Variants in DCDC1 observed in about 807,000 individuals in gnomAD.
DCDC1 encodes the protein doublecortin domain containing 1.
A neutral mutation model predicts 178.3 loss-of-function variants in DCDC1; 200 were observed. The ratio of observed to expected loss-of-function variants is 1.12; its 90% confidence interval spans 1.00 to 1.26. DCDC1 has a LOEUF of 1.26. DCDC1 is among the 50% of genes most tolerant of loss of function. DCDC1 has a pLI of 0.00. For synonymous variants in DCDC1, 690 were observed against 604.8 expected (o/e 1.14, Z -2.07); for missense variants, 1,983 against 1,749.2 (o/e 1.13, Z -2.38).
At chr11:31,150,047 G>A (rs918393297) in intron 9 of DCDC1, among the ~76,000 whole-genome samples, 3 of 152,178 alleles carry the variant, frequency 2.0e-5, no homozygotes, top group Non-Finnish European at 4.4e-5. Flanking sequence ...ATTCCCACCA[G>A]CAATTTAAAA....
At chr11:31,037,298 C>T (rs531459402) in intron 20 of DCDC1, among the ~76,000 whole-genome samples, 41 of 152,284 alleles carry the variant, frequency 2.7e-4, no homozygotes, top group Non-Finnish European at 5.0e-4. Context: ...TCCTGAAATT[C>T]TCCATCACTA....
chr11:31,305,879 G>C, intron 5 of DCDC1, 102 bp from the exon 6 acceptor site: 1 of 1,336,942 alleles, frequency 7.5e-7, no homozygotes. Context: ...AAACCCAATT[G>C]AGTCACTTGC....
At chr11:31,078,471 A>G (rs1956992491) in intron 17 of DCDC1, among the ~76,000 whole-genome samples, 1 of 152,218 alleles carries the variant, frequency 6.6e-6, no homozygotes, top group African/African-American at 2.4e-5. Context: ...ATTAATATTT[A>G]GAAATCTTAC....
intron 12 of DCDC1, among the ~76,000 whole-genome samples, chr11:31,108,367 C>G (rs1958988594): frequency 6.6e-6 from 1 of 152,072 alleles, no homozygotes; most frequent in African/African-American, 2.4e-5. Context: ...GGTTATTTTT[C>G]CATGGAAATG....
chr11:31,368,513 T>G (rs1952085729), intron 1 of DCDC1, among the ~76,000 whole-genome samples: 1 of 152,198 alleles, frequency 6.6e-6, no homozygotes, highest in Non-Finnish European at 1.5e-5. Flanking sequence ...CAGCCAGGAC[T>G]AAAACCAGAT....
chr11:31,035,335 T>C (rs879687138), intron 20 of DCDC1, among the ~76,000 whole-genome samples: 8 of 152,230 alleles, frequency 5.3e-5, no homozygotes, highest in African/African-American at 4.8e-5. Context: ...GTCCTTTTTC[T>C]TTTCCAGGAT....
chr11:31,246,111 A>G (rs1332880876), intron 8 of DCDC1, among the ~76,000 whole-genome samples: 1 of 152,020 alleles, frequency 6.6e-6, no homozygotes, highest in East Asian at 1.9e-4. Context: ...ATTTCAATCA[A>G]ATATGGAAAG....
At chr11:31,040,815 G>A (rs1004889666) in intron 20 of DCDC1, among the ~76,000 whole-genome samples, 5 of 152,100 alleles carry the variant, frequency 3.3e-5, no homozygotes, top group African/African-American at 9.7e-5. Flanking sequence ...TATTCCAGAG[G>A]TCAGACATGA....
At chr11:31,087,148 T>C (rs1365263116) in intron 17 of DCDC1, among the ~76,000 whole-genome samples, 1 of 152,130 alleles carries the variant, frequency 6.6e-6, no homozygotes, top group Admixed American at 6.6e-5. Flanking sequence ...ACCACCTAAA[T>C]GACAAATTTA....
In DCDC1 at chr11:31,307,737, T is replaced by C; in HGVS notation, c.336A>G (p.Ser112=). ...TGTTTGATTTGTAGCTATCTAGGTC[T>C]GATATTTCATCATGGCTGTGATCTG... ...TASDHSHDEI[S]DLDSYKSNSK... The change falls in exon 4 of 39, where the codon TCA becomes TCG. Residue 112 remains serine (S), a synonymous_variant. Coordinates refer to ENST00000684477, the MANE Select transcript of DCDC1 (RefSeq NM_001387274.1). 2 of 1,614,120 alleles carry C rather than the reference T, an allele frequency of 1.2e-6. No homozygotes were observed. The highest frequency in any genetic ancestry group is 1.7e-6 in the Non-Finnish European group (2 of 1,179,982).
At chr11:31,207,593 A>C (rs965943988) in intron 9 of DCDC1, among the ~76,000 whole-genome samples, 7 of 152,204 alleles carry the variant, frequency 4.6e-5, no homozygotes, top group African/African-American at 1.4e-4. Context: ...CTGAAATTAT[A>C]TAATGGATCT....
At chr11:31,067,756 A>G (rs979957091) in intron 18 of DCDC1, among the ~76,000 whole-genome samples, 5 of 152,200 alleles carry the variant, frequency 3.3e-5, no homozygotes, top group Non-Finnish European at 5.9e-5. Context: ...ATTAACTCAG[A>G]AAACATTATG....
chr11:31,357,962 T>C (rs577982061), intron 1 of DCDC1, among the ~76,000 whole-genome samples: 3 of 152,226 alleles, frequency 2.0e-5, no homozygotes, highest in African/African-American at 4.8e-5. Flanking sequence ...GGAAGAACAT[T>C]CCATGCTCAT....
chr11:31,017,151 A>G (rs1952530838), intron 20 of DCDC1, among the ~76,000 whole-genome samples: 1 of 152,206 alleles, frequency 6.6e-6, no homozygotes, highest in Non-Finnish European at 1.5e-5. Context: ...AGATTAGCTA[A>G]AGAATAAAGC....
At chr11:31,225,377 T>TG (rs566671171) in intron 9 of DCDC1, among the ~76,000 whole-genome samples, 11 of 126,284 alleles carry the variant, frequency 8.7e-5, no homozygotes, top group Admixed American at 5.7e-4. Flanking sequence ...GGGGGAAAGT[T>TG]GGGGGGGAGT....
At chr11:31,366,734 G>A (rs1951977737) in intron 1 of DCDC1, among the ~76,000 whole-genome samples, 1 of 152,186 alleles carries the variant, frequency 6.6e-6, no homozygotes, top group South Asian at 2.1e-4. Flanking sequence ...AAAGAAGAAG[G>A]CTTTAATCAG....
At chr11:31,022,992 T>C (rs1189316435) in intron 20 of DCDC1, among the ~76,000 whole-genome samples, 2 of 152,080 alleles carry the variant, frequency 1.3e-5, no homozygotes, top group African/African-American at 4.8e-5. Flanking sequence ...AAGAGGTTCC[T>C]TGAGTCACTC....
chr11:30,865,651 T>A (rs887671188), intron 38 of DCDC1, among the ~76,000 whole-genome samples: 1 of 152,266 alleles, frequency 6.6e-6, no homozygotes, highest in East Asian at 1.9e-4. Flanking sequence ...TAAAAACACA[T>A]TCCTTAGCAG....
intron 9 of DCDC1, among the ~76,000 whole-genome samples, chr11:31,221,033 T>C (rs1476567738): frequency 6.6e-6 from 1 of 152,176 alleles, no homozygotes; most frequent in Non-Finnish European, 1.5e-5. Flanking sequence ...CTTCCAAATA[T>C]AGTGGCATTT....
Sources: gnomAD v4.1 joint callset for allele counts (sites outside exome capture counted in the v4.1 genomes callset) on GRCh38, gnomAD v4.1.1 for gene constraint, MANE v1.5 for transcripts, NCBI Gene and HGNC (gene_info 2026-07-23, HGNC 2026-07-21) for gene names.